IAH1: variants seen among roughly 807,000 people sequenced by gnomAD.
IAH1 encodes the protein isoamyl acetate hydrolyzing esterase 1 (putative).
IAH1 carries 24 observed loss-of-function variants against 26.7 expected under a neutral mutation model. The ratio of observed to expected loss-of-function variants is 0.90; its 90% confidence interval spans 0.65 to 1.26. The LOEUF (loss-of-function observed/expected upper bound fraction) is 1.26. Ranked by LOEUF, IAH1 falls within the 50% of genes most tolerant of loss-of-function variation. The pLI is 0.00. For synonymous variants in IAH1, 140 were observed against 118.5 expected (o/e 1.18, Z -1.18); for missense variants, 300 against 299.9 (o/e 1.00, Z 0.00).
At chr2:9,479,795 C>CTTTTTTTTTTTTTTTTTTTTTTTTTTT (rs5829216) in intron 3 of IAH1, among the ~76,000 whole-genome samples, 2 of 69,870 alleles carry the variant, frequency 2.9e-5, no homozygotes, top group Admixed American at 2.4e-4. Context: ...CTGTGTATTG[C>CTTTTTTTTTTTTTTTTTTTTTTTTTTT]TTTTTTTTTT....
chr2:9,490,516 G>T (rs775368008), downstream of IAH1: 2 of 1,609,512 alleles, frequency 1.2e-6, no homozygotes, highest in African/African-American at 2.7e-5. Flanking sequence ...GCATTTCGAC[G>T]TTCTGCAAAG....
At chr2:9,493,029 C>G, downstream of IAH1, 2 of 1,495,842 alleles carry the variant, frequency 1.3e-6, no homozygotes, top group Non-Finnish European at 9.2e-7. Flanking sequence ...CCAAGTACTT[C>G]ACAAATCTAA....
At chr2:9,492,237 A>C (rs984498036), downstream of IAH1, among the ~76,000 whole-genome samples, 1 of 152,248 alleles carries the variant, frequency 6.6e-6, no homozygotes, top group Admixed American at 6.5e-5. Context: ...TCATCTCTAC[A>C]GCAGACAAAT....
In IAH1 at chr2:9,484,567, G is replaced by A. The variant is rs1461089284; in HGVS notation, c.564+17G>A. ...GACAGCCAGGTACGGTGGCTTGCTC[G>A]GTCCTCTCGGGGTAAATAGGATCAC... On this transcript the variant is annotated intron_variant, in intron 5 of 5. Coordinates refer to ENST00000497473, the MANE Select transcript of IAH1 (RefSeq NM_001039613.3). The A allele has an allele frequency of 5.3e-6, 8 of 1,523,776 alleles. No homozygotes were observed. Among genetic ancestry groups the A allele is most frequent in the African/African-American group, 1.4e-5 (1 of 70,834 alleles). The allele number at this position is 1,523,776 out of a possible 1,614,324, so 94.4% of individuals were successfully genotyped here.
chr2:9,508,643 T>C, the IAH1 span, among the ~76,000 whole-genome samples: 1 of 152,188 alleles, frequency 6.6e-6, no homozygotes, highest in Non-Finnish European at 1.5e-5. Context: ...AAATAGAATT[T>C]ACAATTCAGT....
rs753779845 is a variant in IAH1 at position 9,475,888 on chromosome 2, A to G, written c.82-99A>G. 46 of 984,636 alleles carry G rather than the reference A, an allele frequency of 4.7e-5. 1 individual carries two copies. The South Asian group carries it at 6.0e-4, about 13-fold the overall frequency. 61.0% of individuals were successfully genotyped at this position (984,636 alleles called of 1,614,324 possible). A position where few individuals can be genotyped will look rare whatever the true frequency, so the allele number is the denominator to read the frequency against. On this transcript the variant is annotated intron_variant, in intron 1 of 5. Transcript: ENST00000497473. ...TGGAGTGAAGCAATCAAAGCCAAGA[A>G]GGGAGCGCCGAGAAAACAGAAGTTG...
intron 5 of IAH1, among the ~76,000 whole-genome samples, chr2:9,487,788 T>TGTGTGTGTG (rs1661620141): frequency 1.5e-5 from 2 of 133,966 alleles, no homozygotes; most frequent in African/African-American, 5.8e-5. Context: ...CCCGGCCTTT[T>TGTGTGTGTG]TGTGTGTGTG....
At chr2:9,505,467 C>A in the IAH1 span, 1 of 1,235,220 alleles carries the variant, frequency 8.1e-7, no homozygotes, top group South Asian at 1.3e-5. Context: ...AATGTAAAAC[C>A]ACCATCAGAG....
intron 3 of IAH1, among the ~76,000 whole-genome samples, chr2:9,479,933 C>T (rs909155102): frequency 2.0e-5 from 3 of 149,934 alleles, no homozygotes; most frequent in Non-Finnish European, 4.4e-5. Flanking sequence ...TTCAGCCTCC[C>T]GAGTAGCTGG....
chr2:9,489,980 ATTCACC>A, downstream of IAH1: 2 of 518,324 alleles, frequency 3.9e-6, no homozygotes, highest in Non-Finnish European at 6.7e-6. Context: ...AATAAGCTAG[ATTCACC>A]TTCACCTTAC....
chr2:9,488,321 G>C lies in IAH1; in HGVS notation c.739G>C (p.Asp247His). 2.5e-6 allele frequency: 4 copies of C among 1,604,160 alleles called. No homozygotes were observed. The highest frequency in any genetic ancestry group is 3.4e-6 in the Non-Finnish European group (4 of 1,176,578). Residue 247 changes from aspartate to histidine, a missense_variant, in exon 6 of 6, where the codon GAC becomes CAC. Physicochemically the swap from Asp to His is moderately conservative, Grantham distance 81. Coordinates refer to ENST00000497473, the MANE Select transcript of IAH1 (RefSeq NM_001039613.3). ...KPELSLLGDG[D>H]H ...TGAATTAAGTCTGCTGGGAGATGGA[G>C]ACCATTAGCCAATCACAGGAGACCC...
Position 9,488,482 on chromosome 2 carries a change from T to C in IAH1, c.*153T>C. On this transcript the variant is annotated 3_prime_UTR_variant, in exon 6 of 6. Transcript: ENST00000497473. ...TTTTCAGGGAAGTTTTATACTTAGG[T>C]CCATTGTGTTTCGACAGTATTTATT... The C allele has an allele frequency of 1.8e-6, 1 of 545,106 alleles. No homozygotes were observed. The highest frequency in any genetic ancestry group is 3.1e-5 in the East Asian group (1 of 32,168). 33.8% of individuals were successfully genotyped at this position (545,106 alleles called of 1,614,324 possible).
chr2:9,500,527 C>T (rs1199297120), downstream of IAH1, among the ~76,000 whole-genome samples: 1 of 152,114 alleles, frequency 6.6e-6, no homozygotes, highest in African/African-American at 2.4e-5. Flanking sequence ...TTAAACTGTA[C>T]ACTTTAAATG....
chr2:9,490,336 CATATGTGAGTCTG>C (rs1558489636), downstream of IAH1: 1 of 1,614,100 alleles, frequency 6.2e-7, no homozygotes. Flanking sequence ...CATCCTCGTC[CATATGTGAGTCTG>C]TGCTGGGGTC....
At position 9,489,696 on chromosome 2, in the gene IAH1, G is replaced by A. The variant is rs1661930937; in HGVS notation, c.*1367G>A. 8.4e-6 allele frequency: 1 copy of A among 118,854 alleles called. No homozygotes were observed. The highest frequency in any genetic ancestry group is 3.2e-5 in the African/African-American group (1 of 30,782). 7.4% of individuals were successfully genotyped at this position (118,854 alleles called of 1,614,324 possible). A position where few individuals can be genotyped will look rare whatever the true frequency, so the allele number is the denominator to read the frequency against. On this transcript the variant is annotated 3_prime_UTR_variant, in exon 6 of 6. Coordinates refer to ENST00000497473, the MANE Select transcript of IAH1 (RefSeq NM_001039613.3). ...CACAATTTAGAGACAATGTATACTA[G>A]ATTTATCTCCTTTGTTTTTAGTTGA...
chr2:9,491,373 G>A (rs967148588), downstream of IAH1, among the ~76,000 whole-genome samples: 10 of 152,178 alleles, frequency 6.6e-5, no homozygotes, highest in Admixed American at 4.6e-4. Flanking sequence ...ACATTTTGGC[G>A]TTAAGTACAG....
Position 9,478,266 on chromosome 2 carries a change from G to T in IAH1, c.179G>T (p.Arg60Met), listed in dbSNP as rs1558476019. Residue 60 changes from arginine to methionine, a missense_variant, in exon 3 of 6, where the codon AGG becomes ATG. Arg to Met is a moderately conservative substitution (Grantham distance 91). Transcript: ENST00000497473. ...CGTGGATTTTCAGGTTACAATACCA[G>T]GTGGGCCAAAATTATCCTTCCAAGA... is the stretch of plus-strand genomic sequence containing the variant. ...LNRGFSGYNTRWAKIILPRLI... is the reference protein window; with the variant it reads ...LNRGFSGYNTMWAKIILPRLI... 6.2e-7 allele frequency: 1 copy of T among 1,613,014 alleles called. No individual in the cohort carries two copies. The highest frequency in any genetic ancestry group is 8.5e-7 in the Non-Finnish European group (1 of 1,179,552).
Position 9,474,688 on chromosome 2 carries a change from C to G in IAH1, c.81+41C>G. On this transcript the variant is annotated intron_variant, in intron 1 of 5. Transcript: ENST00000497473. This position sits in a 1 kb window ranked among gnomAD's most constrained non-coding sequence, Gnocchi z 4.3. ...CGCTCGGCCTCCCGCCCCGGCCTCC[C>G]TGCGGGGTCGCTGCCGAGCAGGCCG... The G allele has an allele frequency of 6.9e-7, 1 of 1,442,108 alleles. No homozygotes were observed. The highest frequency in any genetic ancestry group is 9.4e-7 in the Non-Finnish European group (1 of 1,067,916). 89.3% of individuals were successfully genotyped at this position (1,442,108 alleles called of 1,614,324 possible). A position where few individuals can be genotyped will look rare whatever the true frequency, so the allele number is the denominator to read the frequency against.
chr2:9,493,643 C>A (rs77589201), downstream of IAH1: 428 of 947,572 alleles, frequency 4.5e-4, 1 homozygote, highest in African/African-American at 6.3e-3. Context: ...ATAGTTCCAC[C>A]TTCTACTGCA....
Sources: gnomAD v4.1 joint callset for allele counts (sites outside exome capture counted in the v4.1 genomes callset) on GRCh38, gnomAD v4.1.1 for gene constraint, Gnocchi (gnomAD v3.1) non-coding constraint, MANE v1.5 for transcripts, NCBI Gene and HGNC (gene_info 2026-07-23, HGNC 2026-07-21) for gene names.